SGCZ: variants seen among roughly 807,000 people sequenced by gnomAD.
SGCZ encodes sarcoglycan zeta, also known as zeta-sarcoglycan.
Under a neutral mutation model 41.3 loss-of-function variants are expected in SGCZ, and 40 were observed. The observed-to-expected ratio is 0.97, with a 90% CI of 0.75 to 1.26. SGCZ has a LOEUF of 1.26. Among genes scored for constraint, SGCZ ranks in the 50% most tolerant of loss-of-function variants. The probability of loss-of-function intolerance (pLI) is 0.00; values close to 1 mark genes in which losing one functional copy is unlikely to be tolerated. For synonymous variants in SGCZ, 206 were observed against 137.5 expected, an observed-to-expected ratio of 1.50 and a Z score of -3.49; for missense variants, 552 against 369.8, an observed-to-expected ratio of 1.49 and a Z score of -4.04.
chr8:14,633,867 T>G (rs7814453), intron 1 of SGCZ, among the ~76,000 whole-genome samples: 20,519 of 151,816 alleles, frequency 0.14, 1,781 homozygotes, highest in African/African-American at 0.26. Flanking sequence ...AAACATGCTG[T>G]GTTTTGTGCT....
intron 3 of SGCZ, among the ~76,000 whole-genome samples, chr8:14,246,909 CAAAAAAA>C (rs5889525): frequency 2.4e-5 from 2 of 84,352 alleles, no homozygotes; most frequent in African/African-American, 4.6e-5. Context: ...GACTCCATCT[CAAAAAAA>C]AAAAAAAAAA....
intron 5 of SGCZ, among the ~76,000 whole-genome samples, chr8:14,150,009 T>C (rs1342021582): frequency 6.6e-6 from 1 of 152,120 alleles, no homozygotes; most frequent in Non-Finnish European, 1.5e-5. Flanking sequence ...TCTCTTGCCA[T>C]ATACAATAAA....
intron 1 of SGCZ, among the ~76,000 whole-genome samples, chr8:15,175,387 G>C (rs1193003701): frequency 3.9e-5 from 6 of 152,092 alleles, no homozygotes; most frequent in African/African-American, 1.4e-4. Flanking sequence ...CCTTTGCAGG[G>C]ACATGGATGG....
At position 14,436,258 on chromosome 8, in the gene SGCZ, C is replaced by T. The variant is rs73517460; in HGVS notation, c.235-112054G>A. 1.9e-3 allele frequency among the ~76,000 whole-genome samples: 290 copies of T among 152,272 alleles called. 1 individual carries two copies. Among genetic ancestry groups the T allele is most frequent in the African/African-American group, 6.7e-3 (278 of 41,550 alleles). On this transcript the variant is annotated intron_variant, in intron 2 of 7. Transcript: ENST00000382080. ...GACCCTGGCGATGAGCCTCTTGAAT[C>T]ACAGAGCAGGGAGGAGAAAGGAGAG... is the stretch of plus-strand genomic sequence containing the variant.
intron 1 of SGCZ, among the ~76,000 whole-genome samples, chr8:14,983,277 C>T (rs933528186): frequency 4.9e-4 from 75 of 151,850 alleles, no homozygotes; most frequent in African/African-American, 1.8e-3. Flanking sequence ...CCTCCAACTG[C>T]AGGTTGAACT....
chr8:14,909,921 C>A (rs1799233639), intron 1 of SGCZ, among the ~76,000 whole-genome samples: 1 of 152,004 alleles, frequency 6.6e-6, no homozygotes, highest in Non-Finnish European at 1.5e-5. Context: ...CTATGCTTAG[C>A]CAAAAACTGT....
intron 1 of SGCZ, among the ~76,000 whole-genome samples, chr8:14,914,918 AT>A (rs1799382631): frequency 6.6e-6 from 1 of 152,098 alleles, no homozygotes; most frequent in Non-Finnish European, 1.5e-5. Flanking sequence ...GATCATTTTT[AT>A]TTGGCCACCA....
chr8:14,460,787 A>G (rs1044235769), intron 2 of SGCZ, among the ~76,000 whole-genome samples: 1 of 152,186 alleles, frequency 6.6e-6, no homozygotes, highest in African/African-American at 2.4e-5. Flanking sequence ...GTCAGATGCT[A>G]AAGTTGGGAG....
rs543197565 is a variant in SGCZ, at chr8:14,093,761, C to T, written c.745-3124G>A. Among the ~76,000 whole-genome samples the T allele has an allele frequency of 7.2e-5, 11 of 152,180 alleles. No individual in the cohort carries two copies. In the East Asian group the frequency reaches 1.9e-3, roughly 27 times the overall value. Reference sequence around the variant, plus strand: ...GTCAATTTGGATGCAAACAAATTTGCTCCAATTCTCCAAAGGTCACCTCCT... The same window carrying T: ...GTCAATTTGGATGCAAACAAATTTGTTCCAATTCTCCAAAGGTCACCTCCT... On this transcript the variant is annotated intron_variant, in intron 7 of 7. Coordinates refer to ENST00000382080, the MANE Select transcript of SGCZ (RefSeq NM_139167.4).
At chr8:14,710,794 G>C (rs1386380034) in intron 1 of SGCZ, among the ~76,000 whole-genome samples, 1 of 152,032 alleles carries the variant, frequency 6.6e-6, no homozygotes, top group African/African-American at 2.4e-5. Flanking sequence ...AATAGTACTT[G>C]GAACAACAAC....
At chr8:14,822,618 T>C (rs915491939) in intron 1 of SGCZ, among the ~76,000 whole-genome samples, 4 of 152,002 alleles carry the variant, frequency 2.6e-5, no homozygotes, top group African/African-American at 9.7e-5. Flanking sequence ...ATGGTGGTGG[T>C]ATAAAAACAG....
At chr8:14,295,307 A>C (rs1278337124) in intron 3 of SGCZ, among the ~76,000 whole-genome samples, 1 of 152,188 alleles carries the variant, frequency 6.6e-6, no homozygotes, top group Admixed American at 6.5e-5. Flanking sequence ...CTCAGAACTC[A>C]CTGTAGTAGC....
intron 1 of SGCZ, among the ~76,000 whole-genome samples, chr8:14,798,296 G>A (rs1801204401): frequency 6.6e-6 from 1 of 152,114 alleles, no homozygotes; most frequent in Non-Finnish European, 1.5e-5. Flanking sequence ...CAGGAATTTG[G>A]AAGGCAATAA....
chr8:15,000,714 T>C (rs533115368), intron 1 of SGCZ, among the ~76,000 whole-genome samples: 5 of 152,150 alleles, frequency 3.3e-5, no homozygotes, highest in African/African-American at 4.8e-5. Context: ...CCACACTATG[T>C]AAACAATATA....
At chr8:14,324,824 G>T (rs1346112255) in intron 2 of SGCZ, among the ~76,000 whole-genome samples, 1 of 152,108 alleles carries the variant, frequency 6.6e-6, no homozygotes, top group African/African-American at 2.4e-5. Context: ...TTAAAGAAAG[G>T]AGGTTTTATA....
Position 14,776,481 on chromosome 8 carries a change from A to G in SGCZ, c.40-221555T>C, listed in dbSNP as rs533446936. On this transcript the variant is annotated intron_variant, in intron 1 of 7. Coordinates refer to ENST00000382080, the MANE Select transcript of SGCZ (RefSeq NM_139167.4). ...CAGTCTCGGATATGTCTTTATTAGC[A>G]GTGTGAAATCAGACTAATACACTTT... Among the ~76,000 whole-genome samples the G allele has an allele frequency of 2.0e-5, 3 of 149,856 alleles. No individual in the cohort carries two copies. The East Asian group carries it at 5.9e-4, about 29-fold the overall frequency.
intron 1 of SGCZ, among the ~76,000 whole-genome samples, chr8:14,720,291 C>T (rs1236791424): frequency 6.6e-6 from 1 of 151,984 alleles, no homozygotes; most frequent in Non-Finnish European, 1.5e-5. Flanking sequence ...TTTGCTTCTC[C>T]TTTTCTAACT....
chr8:14,586,894 A>T (rs918122334), intron 1 of SGCZ, among the ~76,000 whole-genome samples: 25 of 152,202 alleles, frequency 1.6e-4, no homozygotes, highest in African/African-American at 5.8e-4. Context: ...CAGATTAATA[A>T]AGTTCGTAGT....
At chr8:14,946,339 G>T (rs528457928) in intron 1 of SGCZ, among the ~76,000 whole-genome samples, 15 of 151,426 alleles carry the variant, frequency 9.9e-5, no homozygotes, top group African/African-American at 3.6e-4. Context: ...GAGTGGCCAC[G>T]TATACTCCTC....
Sources: gnomAD v4.1 joint callset for allele counts (sites outside exome capture counted in the v4.1 genomes callset) on GRCh38, gnomAD v4.1.1 for gene constraint, MANE v1.5 for transcripts, NCBI Gene and HGNC (gene_info 2026-07-23, HGNC 2026-07-21) for gene names.